TNS3: variants seen among roughly 807,000 people sequenced by gnomAD.
The protein encoded by TNS3 is tensin 3.
A neutral mutation model predicts 140.9 loss-of-function variants in TNS3; 45 were observed. That is an observed-to-expected ratio of 0.32 (90% CI 0.25 to 0.41). TNS3 has a LOEUF of 0.41. Among genes scored for constraint, TNS3 ranks in the 10% least tolerant of loss-of-function variants. The probability of loss-of-function intolerance (pLI) is 1.00; values close to 1 mark genes in which losing one functional copy is unlikely to be tolerated. For synonymous variants in TNS3, 815 were observed against 788.4 expected, an observed-to-expected ratio of 1.03 and a Z score of -0.56; for missense variants, 1,716 against 1,906.7, an observed-to-expected ratio of 0.90 and a Z score of 1.86.
rs551998460 is a variant in TNS3, at chr7:47,339,181, C to A, written c.2650+5574G>T. Among the ~76,000 whole-genome samples the A allele has an allele frequency of 4.3e-4, 65 of 152,258 alleles. 1 individual carries two copies. The South Asian group carries it at 0.013, about 31-fold the overall frequency. Reference sequence around the variant, plus strand: ...GTCTTTTTTATCCTCTTCACAGGTTCTTTCCATAGCAAAAATGTTTAATTT... The same window carrying A: ...GTCTTTTTTATCCTCTTCACAGGTTATTTCCATAGCAAAAATGTTTAATTT... On this transcript the variant is annotated intron_variant, in intron 20 of 30. Coordinates refer to ENST00000311160, the MANE Select transcript of TNS3 (RefSeq NM_022748.12).
intron 10 of TNS3, among the ~76,000 whole-genome samples, chr7:47,417,953 A>G (rs925641039): frequency 6.6e-6 from 1 of 152,176 alleles, no homozygotes; most frequent in African/African-American, 2.4e-5. Flanking sequence ...CTTCTTAGAG[A>G]ACCACCATCA....
chr7:47,397,706 A>G (rs545220739), intron 15 of TNS3, among the ~76,000 whole-genome samples: 2 of 152,346 alleles, frequency 1.3e-5, no homozygotes, highest in East Asian at 3.9e-4. Context: ...GAAAGTTTAT[A>G]GCACTAAATG....
chr7:47,390,527 C>T (rs1442774206), intron 16 of TNS3, among the ~76,000 whole-genome samples: 4 of 152,166 alleles, frequency 2.6e-5, no homozygotes, highest in Non-Finnish European at 5.9e-5. Flanking sequence ...CCATGGGAGC[C>T]CCAAAGCGTG....
chr7:47,292,189 T>C (rs918943225), intron 26 of TNS3, among the ~76,000 whole-genome samples, 157 bp from the exon 27 acceptor site: 9 of 152,210 alleles, frequency 5.9e-5, no homozygotes, highest in African/African-American at 1.9e-4. Context: ...ATTTGGCCCA[T>C]AGAAACCATG....
At chr7:47,278,355 C>G in intron 30 of TNS3, 135 bp from the exon 31 acceptor site, 2 of 974,944 alleles carry the variant, frequency 2.1e-6, no homozygotes, top group African/African-American at 1.6e-5. Context: ...TGCCCAGCAC[C>G]CTGCTGGCCA....
chr7:47,526,715 C>G (rs1258079794), intron 2 of TNS3, among the ~76,000 whole-genome samples: 1 of 152,204 alleles, frequency 6.6e-6, no homozygotes, highest in Non-Finnish European at 1.5e-5. Flanking sequence ...CGAGAACAAG[C>G]CCAGGTGTCC....
At chr7:47,280,770 G>C (rs1041598463) in intron 28 of TNS3, among the ~76,000 whole-genome samples, 5 of 152,138 alleles carry the variant, frequency 3.3e-5, no homozygotes, top group Non-Finnish European at 7.3e-5. Context: ...AAAATTAGTC[G>C]GGTGTGGTGA....
intron 13 of TNS3, among the ~76,000 whole-genome samples, chr7:47,404,429 A>G (rs187702117): frequency 1.3e-5 from 2 of 152,328 alleles, no homozygotes; most frequent in African/African-American, 4.8e-5. Context: ...TATATTATTT[A>G]AAGGGCATAA....
intron 2 of TNS3, 99 bp from the exon 3 acceptor site, chr7:47,507,043 T>G: frequency 1.9e-6 from 2 of 1,056,226 alleles, no homozygotes; most frequent in Non-Finnish European, 2.5e-6. Context: ...GTCTCTGGCT[T>G]GAAGATCCCA....
intron 16 of TNS3, among the ~76,000 whole-genome samples, chr7:47,383,584 C>T (rs1351417150): frequency 3.3e-5 from 5 of 152,162 alleles, no homozygotes; most frequent in Admixed American, 2.6e-4. Context: ...AAAGTAAGAA[C>T]ATTCTCAGGC....
chr7:47,540,760 C>A (rs535629334), intron 1 of TNS3, among the ~76,000 whole-genome samples: 1 of 152,126 alleles, frequency 6.6e-6, no homozygotes, highest in South Asian at 2.1e-4. Context: ...GGTAAAGCGC[C>A]GTATTTTTGG....
At chr7:47,481,994 A>C (rs956984056) in intron 3 of TNS3, among the ~76,000 whole-genome samples, 1 of 152,184 alleles carries the variant, frequency 6.6e-6, no homozygotes, top group Admixed American at 6.5e-5. Flanking sequence ...AGCTCAGAAG[A>C]GTGGCACAGG....
At chr7:47,296,787 G>T (rs1157038114) in intron 24 of TNS3, among the ~76,000 whole-genome samples, 1 of 152,136 alleles carries the variant, frequency 6.6e-6, no homozygotes, top group Non-Finnish European at 1.5e-5. Flanking sequence ...GGTGGTGAGG[G>T]GGGTAGAGCC....
chr7:47,376,792 T>C (rs1263269686), intron 16 of TNS3, among the ~76,000 whole-genome samples: 1 of 148,868 alleles, frequency 6.7e-6, no homozygotes, highest in Non-Finnish European at 1.5e-5. Context: ...CAGAGACTAT[T>C]AAGTGCTTTG....
chr7:47,581,454 T>C (rs994509601), intron 1 of TNS3: 1 of 151,728 alleles, frequency 6.6e-6, no homozygotes, highest in Non-Finnish European at 1.5e-5. Context: ...CTAGAAAAAG[T>C]AGGAGAAGGG....
chr7:47,556,740 G>A (rs1193527399), intron 1 of TNS3, among the ~76,000 whole-genome samples: 1 of 152,226 alleles, frequency 6.6e-6, no homozygotes, highest in Admixed American at 6.5e-5. Flanking sequence ...ATCTTCAGGG[G>A]CTGCAAAGTG....
chr7:47,526,709 A>C (rs1255432524), intron 2 of TNS3, among the ~76,000 whole-genome samples: 1 of 152,208 alleles, frequency 6.6e-6, no homozygotes, highest in Non-Finnish European at 1.5e-5. Context: ...GGAAGCCGAG[A>C]ACAAGCCCAG....
intron 17 of TNS3, among the ~76,000 whole-genome samples, chr7:47,354,189 A>C (rs1186187927): frequency 6.6e-6 from 1 of 152,210 alleles, no homozygotes; most frequent in Admixed American, 6.5e-5. Context: ...TCAGTTAAGA[A>C]GTCAAATCCA....
At chr7:47,411,276 T>C (rs1793751335) in intron 13 of TNS3, among the ~76,000 whole-genome samples, 1 of 152,218 alleles carries the variant, frequency 6.6e-6, no homozygotes. Context: ...CTAAATGCCT[T>C]AAGGCAGTGG....
Sources: allele counts gnomAD v4.1 joint callset (sites outside exome capture counted in the v4.1 genomes callset), GRCh38; gene constraint gnomAD v4.1.1; transcripts MANE v1.5; gene names NCBI Gene and HGNC (gene_info 2026-07-23, HGNC 2026-07-21).